The following FGF13 variants were observed in gnomAD, a reference collection of about 807,000 sequenced individuals.
FGF13 encodes fibroblast growth factor homologous factor 2.
In FGF13, 2 loss-of-function variants were observed where a neutral mutation model predicts 19.5. That is an observed-to-expected ratio of 0.10 (90% CI 0.04 to 0.32). The LOEUF is 0.32. Among genes scored for constraint, FGF13 ranks in the 10% least tolerant of loss-of-function variants. FGF13 has a pLI of 1.00. For missense variants in FGF13, 113 were observed against 192.7 expected (o/e 0.59, Z 2.45); for synonymous variants, 72 against 76.9 (o/e 0.94, Z 0.33).
chrX:138,979,291 G>A (rs945074911), intron 1 of FGF13, among the ~76,000 whole-genome samples: 11 of 111,825 alleles, frequency 9.8e-5, no homozygotes, highest in African/African-American at 3.6e-4. Flanking sequence ...TCCAGTACTG[G>A]CTTTGCCACT....
intron 1 of FGF13, among the ~76,000 whole-genome samples, chrX:138,997,726 C>G (rs1330535125): frequency 8.9e-6 from 1 of 111,881 alleles, no homozygotes; most frequent in Non-Finnish European, 1.9e-5. Context: ...CTGAAAGTGA[C>G]AAGGAGAATG....
At chrX:139,066,654 C>T (rs60349155) in intron 1 of FGF13, among the ~76,000 whole-genome samples, 4,703 of 110,926 alleles carry the variant, frequency 0.042, 113 homozygotes, top group East Asian at 0.13. Flanking sequence ...CCAACCAAAA[C>T]GTCGAGGGCC....
chrX:138,873,421 AATCTCT>A (rs2091368803), intron 1 of FGF13, among the ~76,000 whole-genome samples: 1 of 112,140 alleles, frequency 8.9e-6, no homozygotes, highest in Non-Finnish European at 1.9e-5. Flanking sequence ...GCTCTGTCAA[AATCTCT>A]ATTTCAAAGC....
At position 138,809,655 on chromosome X, in the gene FGF13, T is replaced by A. The variant is rs145837460; in HGVS notation, c.217+47857A>T. ...CAATTAAGAAAAGAGGAAGTCAAAT[T>A]GTCCCCGTTTGCAGATGACATGATT... On this transcript the variant is annotated intron_variant, in intron 3 of 6. Transcript: ENST00000436198. Among the ~76,000 whole-genome samples the A allele has an allele frequency of 2.3e-3, 254 of 111,582 alleles. 7 individuals carry two copies. The East Asian group carries it at 0.068, about 30-fold the overall frequency.
rs1438659240 is a variant in FGF13 at position 138,625,470 on chromosome X, AC to A, written c.*7379del. The A allele has an allele frequency of 5.1e-5, 5 of 97,457 alleles. No individual in the cohort carries two copies. Among genetic ancestry groups the A allele is most frequent in the African/African-American group, 1.9e-4 (5 of 26,099 alleles). 8.0% of individuals were successfully genotyped at this position (97,457 alleles called of 1,213,427 possible). A position where few individuals can be genotyped will look rare whatever the true frequency, so the allele number is the denominator to read the frequency against. On this transcript the variant is annotated 3_prime_UTR_variant, in exon 5 of 5. Coordinates refer to ENST00000315930, the MANE Select transcript of FGF13 (RefSeq NM_004114.5). ...TGAAGAAAGAAAATTATATATATAT[AC>A]ATATATATATATAATATATATATAT...
At chrX:138,961,901 A>G (rs1474969717) in intron 1 of FGF13, among the ~76,000 whole-genome samples, 1 of 111,498 alleles carries the variant, frequency 9.0e-6, no homozygotes, top group African/African-American at 3.3e-5. Context: ...CTAGAAGAAA[A>G]CCTAGGCATT....
At chrX:139,003,102 C>T (rs1037904640) in intron 1 of FGF13, among the ~76,000 whole-genome samples, 5 of 111,995 alleles carry the variant, frequency 4.5e-5, no homozygotes, top group Non-Finnish European at 9.4e-5. Context: ...CGCGGACCCT[C>T]GCGGTGAGTG....
intron 1 of FGF13, among the ~76,000 whole-genome samples, chrX:138,900,765 T>C (rs2091528235): frequency 8.9e-6 from 1 of 111,767 alleles, no homozygotes; most frequent in Non-Finnish European, 1.9e-5. Flanking sequence ...CAAGGCTTTA[T>C]ATGACATTAC....
At chrX:138,778,680 T>G (rs1189649107) in intron 3 of FGF13, among the ~76,000 whole-genome samples, 1 of 111,821 alleles carries the variant, frequency 8.9e-6, no homozygotes, top group Non-Finnish European at 1.9e-5. Flanking sequence ...CCACGGAGTC[T>G]CGCTGATTGC....
intron 3 of FGF13, among the ~76,000 whole-genome samples, chrX:138,824,635 T>C (rs2091021745): frequency 9.0e-6 from 1 of 111,602 alleles, no homozygotes; most frequent in South Asian, 3.8e-4. Context: ...ACATTTTAAG[T>C]GGAGCTATAT....
chrX:138,760,763 C>T (rs937684776), intron 3 of FGF13, among the ~76,000 whole-genome samples: 4 of 111,903 alleles, frequency 3.6e-5, no homozygotes, highest in Non-Finnish European at 5.6e-5. Context: ...TTTCTTTCCT[C>T]TTGTACCATA....
upstream of FGF13, among the ~76,000 whole-genome samples, chrX:138,740,000 T>C (rs753512215): frequency 2.7e-5 from 3 of 112,218 alleles, no homozygotes; most frequent in Non-Finnish European, 5.6e-5. Flanking sequence ...ATTTTAGCAT[T>C]ACACCATACT....
chrX:138,831,329 C>T (rs2091071653), intron 3 of FGF13, among the ~76,000 whole-genome samples: 1 of 110,888 alleles, frequency 9.0e-6, no homozygotes, highest in Non-Finnish European at 1.9e-5. Flanking sequence ...GAATCAAGAA[C>T]TATGGGGCCA....
chrX:138,813,971 G>A (rs895617185), intron 3 of FGF13, among the ~76,000 whole-genome samples: 2 of 110,434 alleles, frequency 1.8e-5, no homozygotes, highest in African/African-American at 6.6e-5. Context: ...TTCTCTGCTT[G>A]TTACATATGC....
intron 1 of FGF13, among the ~76,000 whole-genome samples, chrX:138,869,369 A>T: frequency 8.9e-6 from 1 of 112,692 alleles, no homozygotes; most frequent in Non-Finnish European, 1.9e-5. Context: ...CTGGCTTTCC[A>T]TATGATGTGG....
chrX:139,192,793 T>C (rs781026856), intron 1 of FGF13, among the ~76,000 whole-genome samples: 2 of 111,753 alleles, frequency 1.8e-5, no homozygotes, highest in Non-Finnish European at 3.8e-5. Flanking sequence ...CATTAGTAAT[T>C]TGGCTTGGCC....
chrX:139,064,061 G>A lies in FGF13; in HGVS notation c.-113+139355C>T, dbSNP rs1288902975. Among the ~76,000 whole-genome samples, 3 of 110,754 alleles carry A rather than the reference G, an allele frequency of 2.7e-5. No homozygotes were observed. The East Asian group carries it at 8.5e-4, about 32-fold the overall frequency. ...ACCAGGTTCAGGATGGTTATTTTGT[G>A]TATGAAATTATTCATTGTATCATTA... On this transcript the variant is annotated intron_variant, in intron 1 of 2. Transcript: ENST00000421460.
intron 1 of FGF13, among the ~76,000 whole-genome samples, chrX:139,140,074 G>T (rs911980234): frequency 1.8e-5 from 2 of 110,808 alleles, no homozygotes; most frequent in African/African-American, 3.3e-5. Flanking sequence ...CATAATCCAG[G>T]ACTTCATTTC....
intron 1 of FGF13, among the ~76,000 whole-genome samples, chrX:139,170,132 G>T (rs1414710666): frequency 3.6e-5 from 4 of 111,228 alleles, no homozygotes; most frequent in Non-Finnish European, 7.5e-5. Context: ...GAAAACCACA[G>T]CATTAATTAA....
Sources: allele counts gnomAD v4.1 joint callset (sites outside exome capture counted in the v4.1 genomes callset), GRCh38; gene constraint gnomAD v4.1.1; transcripts MANE v1.5; gene names NCBI Gene and HGNC (gene_info 2026-07-23, HGNC 2026-07-21).